Variants in ACTR8 observed in about 807,000 individuals in gnomAD.
ACTR8 encodes actin-related protein 8.
In ACTR8, 70 loss-of-function variants were observed where a neutral mutation model predicts 84.3. The observed-to-expected ratio is 0.83, with a 90% CI of 0.68 to 1.01. The LOEUF (loss-of-function observed/expected upper bound fraction) is 1.01. ACTR8 is among the 50% of genes least tolerant of loss of function. The pLI, the probability that ACTR8 is intolerant of heterozygous loss-of-function variation, is 0.00. For synonymous variants in ACTR8, 268 were observed against 275.2 expected, an observed-to-expected ratio of 0.97 and a Z score of 0.26; for missense variants, 672 against 775.4, an observed-to-expected ratio of 0.87 and a Z score of 1.58.
rs1700072506 is a variant in ACTR8 at position 53,881,980 on chromosome 3, T to A, written c.122A>T (p.Glu41Val). The change falls in exon 1 of 13, where the codon GAG becomes GTG. Residue 41 changes from glutamate (E) to valine (V), a missense_variant and splice_region_variant. Physicochemically the swap from Glu to Val is moderately radical, Grantham distance 121. Transcript: ENST00000335754. The part of the protein sequence containing the change: ...VPALVPESLQ[E>V]QIQSNFIIVI... ...GTTCCAACCCAGCCAGAGCCGCACC[T>A]CTTGCAGCGACTCCGGCACCAGCGC... is the stretch of plus-strand genomic sequence containing the variant. 1.9e-6 allele frequency: 3 copies of A among 1,554,754 alleles called. No homozygotes were observed. Among genetic ancestry groups the A allele is most frequent in the Non-Finnish European group, 2.6e-6 (3 of 1,148,366 alleles).
In ACTR8 at chr3:53,868,657, G is replaced by GT. The variant is rs1208726896; in HGVS notation, c.*61dup. The GT allele has an allele frequency of 6.3e-7, 1 of 1,586,342 alleles. No homozygotes were observed. The highest frequency in any genetic ancestry group is 1.4e-5 in the African/African-American group (1 of 73,878). ...CAATAAATTACAATACACATATTCTGTAAGAGTCTTTTATACCAAGAAGCT... is the reference window on the plus strand; with the variant it reads ...CAATAAATTACAATACACATATTCTGTTAAGAGTCTTTTATACCAAGAAGCT... On this transcript the variant is annotated 3_prime_UTR_variant, in exon 13 of 13. Transcript: ENST00000335754.
In ACTR8 at chr3:53,867,651, G is replaced by A. The variant is rs779117085; in HGVS notation, c.*1068C>T. ...AGCAGGTGCCTAGAAGCAAGCAGCA[G>A]GAAGCAGCATTTTCCCACTCCTCCC... On this transcript the variant is annotated 3_prime_UTR_variant, in exon 13 of 13. Coordinates refer to ENST00000335754, the MANE Select transcript of ACTR8 (RefSeq NM_022899.5). 1.3e-5 allele frequency: 2 copies of A among 152,262 alleles called. No homozygotes were observed. The highest frequency in any genetic ancestry group is 2.9e-5 in the Non-Finnish European group (2 of 68,110). The allele number at this position is 152,262 out of a possible 1,614,324, so 9.4% of individuals were successfully genotyped here. A position where few individuals can be genotyped will look rare whatever the true frequency, so the allele number is the denominator to read the frequency against.
Position 53,870,296 on chromosome 3 carries a change from C to T in ACTR8, c.1568-151G>A, listed in dbSNP as rs575740733. 111 of 863,728 alleles carry T rather than the reference C, an allele frequency of 1.3e-4. 1 individual carries two copies. The highest frequency in any genetic ancestry group is 1.1e-3 in the South Asian group (66 of 58,254). 53.5% of individuals were successfully genotyped at this position (863,728 alleles called of 1,614,324 possible). A position where few individuals can be genotyped will look rare whatever the true frequency, so the allele number is the denominator to read the frequency against. ...CCACACTGCAGCCAGGGGAACCCTA[C>T]GAAACACAAATGTAGGCATGTTGCC... On this transcript the variant is annotated intron_variant, in intron 11 of 12. Transcript: ENST00000335754. The surrounding 1 kb of genome is among the most constrained non-coding windows in gnomAD (Gnocchi z 4.1).
At chr3:53,880,193 C>A (rs900583764) in intron 1 of ACTR8, 84 bp from the exon 2 acceptor site, 2 of 1,366,234 alleles carry the variant, frequency 1.5e-6, no homozygotes, top group African/African-American at 2.9e-5. Flanking sequence ...ACAAGCTAAA[C>A]TAAGAAGCTG....
rs1483320121 is a variant in ACTR8, at chr3:53,870,612, T to C, written c.1568-467A>G. Among the ~76,000 whole-genome samples the C allele has an allele frequency of 1.3e-5, 2 of 152,056 alleles. No individual in the cohort carries two copies. The highest frequency in any genetic ancestry group is 2.4e-5 in the African/African-American group (1 of 41,400). On this transcript the variant is annotated intron_variant, in intron 11 of 12. Coordinates refer to ENST00000335754, the MANE Select transcript of ACTR8 (RefSeq NM_022899.5). This position sits in a 1 kb window ranked among gnomAD's most constrained non-coding sequence, Gnocchi z 4.1. Reference sequence around the variant, plus strand: ...GTTGTGGTGAGCCGCAATCACGCCATTGCACTCTAGCCTGGGCAATGGAGT... The same window carrying C: ...GTTGTGGTGAGCCGCAATCACGCCACTGCACTCTAGCCTGGGCAATGGAGT...
At chr3:53,860,159 C>T in the ACTR8 span, 3 of 1,613,948 alleles carry the variant, frequency 1.9e-6, no homozygotes, top group African/African-American at 1.3e-5. Flanking sequence ...CTGGCTGCCT[C>T]TCCTCCTGCT....
chr3:53,872,247 G>A (rs1304050510), intron 10 of ACTR8, 137 bp downstream of exon 10: 2 of 1,029,166 alleles, frequency 1.9e-6, no homozygotes, highest in East Asian at 2.9e-5. Flanking sequence ...TCAGACTTCA[G>A]TTCATCTACA....
At chr3:53,873,689 T>C (rs1422703466) in intron 8 of ACTR8, among the ~76,000 whole-genome samples, 2 of 152,178 alleles carry the variant, frequency 1.3e-5, no homozygotes, top group Admixed American at 1.3e-4. Context: ...CCTAAAAAAA[T>C]CAAACTTTTC....
chr3:53,881,664 A>C, intron 1 of ACTR8: 1 of 470,056 alleles, frequency 2.1e-6, no homozygotes, highest in South Asian at 2.1e-5. Flanking sequence ...GCTGGTTATC[A>C]CCGTGGTCGT....
chr3:53,880,249 C>T, intron 1 of ACTR8, 140 bp from the exon 2 acceptor site: 1 of 835,786 alleles, frequency 1.2e-6, no homozygotes. Context: ...TGAGAAGTAT[C>T]CAATTACCGC....
chr3:53,876,606 GA>G lies in ACTR8; in HGVS notation c.778+13del. Reference sequence around the variant, plus strand: ...TTCCATTTAAAATAGGTTTCACTGGGATATCAGACATACCTGAAAAACCCAT... The same window carrying G: ...TTCCATTTAAAATAGGTTTCACTGGGTATCAGACATACCTGAAAAACCCAT... On this transcript the variant is annotated intron_variant, in intron 6 of 12. Coordinates refer to ENST00000335754, the MANE Select transcript of ACTR8 (RefSeq NM_022899.5). The G allele has an allele frequency of 7.0e-7, 1 of 1,428,326 alleles. No individual in the cohort carries two copies. Among genetic ancestry groups the G allele is most frequent in the Non-Finnish European group, 9.8e-7 (1 of 1,023,108 alleles). The allele number at this position is 1,428,326 out of a possible 1,614,324, so 88.5% of individuals were successfully genotyped here.
chr3:53,870,162 C>T lies in ACTR8; in HGVS notation c.1568-17G>A. 3 of 1,607,792 alleles carry T rather than the reference C, an allele frequency of 1.9e-6. No individual in the cohort carries two copies. Among genetic ancestry groups the T allele is most frequent in the Non-Finnish European group, 2.6e-6 (3 of 1,174,926 alleles). ...CGTCAGATGCTGAAAAGACAGTTGA[C>T]ATCCTCCATGCTTTTTTCTCCACAT... On this transcript the variant is annotated splice_polypyrimidine_tract_variant and intron_variant, in intron 11 of 12. Transcript: ENST00000335754. This position sits in a 1 kb window ranked among gnomAD's most constrained non-coding sequence, Gnocchi z 4.1.
intron 10 of ACTR8, 138 bp downstream of exon 10, chr3:53,872,246 A>G (rs1427978194): frequency 9.9e-7 from 1 of 1,010,480 alleles, no homozygotes; most frequent in African/African-American, 1.7e-5. Flanking sequence ...CTCAGACTTC[A>G]GTTCATCTAC....
rs1699865119 is a variant in ACTR8, at chr3:53,870,377, G to A, written c.1568-232C>T. Reference sequence around the variant, plus strand: ...GATCAAAATCTTTAAAGGAGGCCGAGCATGGTGGCTCACGCCTGTAATCCC... The same window carrying A: ...GATCAAAATCTTTAAAGGAGGCCGAACATGGTGGCTCACGCCTGTAATCCC... On this transcript the variant is annotated intron_variant, in intron 11 of 12. Transcript: ENST00000335754. This position sits in a 1 kb window ranked among gnomAD's most constrained non-coding sequence, Gnocchi z 4.1. 1 of 531,634 alleles carries A rather than the reference G, an allele frequency of 1.9e-6. No individual in the cohort carries two copies. The highest frequency in any genetic ancestry group is 1.9e-5 in the African/African-American group (1 of 52,868). 32.9% of individuals were successfully genotyped at this position (531,634 alleles called of 1,614,324 possible).
At chr3:53,869,891 C>CA in intron 12 of ACTR8, 91 bp downstream of exon 12, 1 of 1,485,114 alleles carries the variant, frequency 6.7e-7, no homozygotes, top group Non-Finnish European at 9.2e-7. Flanking sequence ...ACTCCTCAGA[C>CA]ACAAGCCCAT....
At chr3:53,860,113 A>C in the ACTR8 span, 1 of 1,594,156 alleles carries the variant, frequency 6.3e-7, no homozygotes. Flanking sequence ...AAGGTGAATA[A>C]GCTTTGTTTT....
At chr3:53,864,640 C>A, downstream of ACTR8, 2 of 853,310 alleles carry the variant, frequency 2.3e-6, no homozygotes, top group Non-Finnish European at 3.7e-6. Context: ...GCCCTTGGTG[C>A]TCAGCTGACA....
downstream of ACTR8, among the ~76,000 whole-genome samples, chr3:53,866,710 T>C (rs765841214): frequency 2.0e-5 from 3 of 152,184 alleles, no homozygotes; most frequent in Non-Finnish European, 4.4e-5. Context: ...CTTGATCTCC[T>C]GACCTCATGA....
chr3:53,876,188 A>G (rs1223344968), intron 6 of ACTR8, 108 bp from the exon 7 acceptor site: 1 of 1,346,476 alleles, frequency 7.4e-7, no homozygotes, highest in Non-Finnish European at 1.0e-6. Flanking sequence ...TGGGCAGGGC[A>G]TCTGAGGAAC....
Sources: gnomAD v4.1 joint callset for allele counts (sites outside exome capture counted in the v4.1 genomes callset) on GRCh38, gnomAD v4.1.1 for gene constraint, Gnocchi (gnomAD v3.1) non-coding constraint, MANE v1.5 for transcripts, NCBI Gene and HGNC (gene_info 2026-07-23, HGNC 2026-07-21) for gene names.